The following TTC28 variants were observed in gnomAD, a reference collection of about 807,000 sequenced individuals.
TTC28 encodes tetratricopeptide repeat domain 28.
Under a neutral mutation model 198.0 loss-of-function variants are expected in TTC28, and 61 were observed. The observed-to-expected ratio is 0.31, with a 90% CI of 0.25 to 0.38. The LOEUF is 0.38. Ranked by LOEUF, TTC28 falls within the 10% of genes least tolerant of loss-of-function variation. The pLI is 1.00. For synonymous variants in TTC28, 1,171 were observed against 1,297.8 expected (o/e 0.90, Z 2.10); for missense variants, 2,678 against 3,164.0 (o/e 0.85, Z 3.69).
At chr22:28,646,799 G>A (rs1332310872) in intron 1 of TTC28, among the ~76,000 whole-genome samples, 1 of 152,206 alleles carries the variant, frequency 6.6e-6, no homozygotes, top group Non-Finnish European at 1.5e-5. Context: ...AGGAGGTGGA[G>A]GCTGCAGTAA....
intron 15 of TTC28, chr22:28,001,025 A>G (rs533030946): frequency 8.7e-4 from 176 of 203,206 alleles, no homozygotes; most frequent in Non-Finnish European, 1.3e-3. Flanking sequence ...CCCACTGGGC[A>G]TCGTGTGGAT....
intron 2 of TTC28, among the ~76,000 whole-genome samples, chr22:28,337,819 T>G (rs559642395): frequency 6.6e-6 from 1 of 152,358 alleles, no homozygotes; most frequent in East Asian, 1.9e-4. Flanking sequence ...GTCTTTTAAT[T>G]GGAGCATTTA....
At chr22:28,181,697 T>A (rs1024468064) in intron 5 of TTC28, among the ~76,000 whole-genome samples, 8 of 152,160 alleles carry the variant, frequency 5.3e-5, no homozygotes, top group Admixed American at 3.9e-4. Flanking sequence ...TAAATGTTAC[T>A]CCTTGACACC....
chr22:28,201,413 A>T (rs1243076778), intron 5 of TTC28, among the ~76,000 whole-genome samples: 1 of 152,156 alleles, frequency 6.6e-6, no homozygotes, highest in African/African-American at 2.4e-5. Flanking sequence ...TAACCTTCTT[A>T]GGGTGTCAAG....
In TTC28 at chr22:28,347,390, A is replaced by G. The variant is rs575760014; in HGVS notation, c.382-40747T>C. 2.4e-4 allele frequency among the ~76,000 whole-genome samples: 36 copies of G among 152,262 alleles called. No homozygotes were observed. The South Asian group carries it at 7.3e-3, about 31-fold the overall frequency. On this transcript the variant is annotated intron_variant, in intron 2 of 22. Transcript: ENST00000397906. ...CTCTCCATTTATGGTGCACTCTATTAAATTTCATATTTCATCCCTAGAGTT... is the reference window on the plus strand; with the variant it reads ...CTCTCCATTTATGGTGCACTCTATTGAATTTCATATTTCATCCCTAGAGTT...
rs1357577370 is a variant in TTC28, at chr22:28,018,314, G to C, written c.4074-3922C>G. Among the ~76,000 whole-genome samples the C allele has an allele frequency of 2.7e-5, 4 of 145,910 alleles. 1 individual carries two copies. Among genetic ancestry groups the C allele is most frequent in the Admixed American group, 6.7e-5 (1 of 14,836 alleles). On this transcript the variant is annotated intron_variant, in intron 13 of 22. Coordinates refer to ENST00000397906, the MANE Select transcript of TTC28 (RefSeq NM_001145418.2). ...GCGCGTGTGTGCGCGCGCGGGGGGG[G>C]GGGCGGGGAACCTGTCCCTAGAGAG... is the stretch of plus-strand genomic sequence containing the variant.
intron 2 of TTC28, among the ~76,000 whole-genome samples, chr22:28,563,233 A>T (rs761389250): frequency 2.0e-5 from 3 of 152,224 alleles, no homozygotes; most frequent in Non-Finnish European, 4.4e-5. Flanking sequence ...CCTTACATTG[A>T]AAATGTATAT....
At chr22:28,445,326 A>G (rs1408217854) in intron 2 of TTC28, among the ~76,000 whole-genome samples, 1 of 152,252 alleles carries the variant, frequency 6.6e-6, no homozygotes, top group Non-Finnish European at 1.5e-5. Flanking sequence ...CTGTAAGAAG[A>G]CAACCAGGCA....
intron 2 of TTC28, 108 bp downstream of exon 2, chr22:28,629,444 T>C (rs1014648098): frequency 1.1e-5 from 13 of 1,148,070 alleles, no homozygotes; most frequent in African/African-American, 6.3e-5. Context: ...GAAGTACAGA[T>C]TATTAAAATA....
intron 2 of TTC28, among the ~76,000 whole-genome samples, chr22:28,491,106 A>G (rs1299394501): frequency 6.6e-6 from 1 of 152,124 alleles, no homozygotes; most frequent in Non-Finnish European, 1.5e-5. Context: ...CTTCTTGTCC[A>G]CCTGCTTCTC....
At chr22:28,253,304 T>C (rs563440041) in intron 5 of TTC28, among the ~76,000 whole-genome samples, 1 of 152,356 alleles carries the variant, frequency 6.6e-6, no homozygotes, top group South Asian at 2.1e-4. Flanking sequence ...GTTATAGTTC[T>C]GGTATTTAAC....
At chr22:28,594,787 C>G (rs1207558384) in intron 2 of TTC28, among the ~76,000 whole-genome samples, 1 of 152,088 alleles carries the variant, frequency 6.6e-6, no homozygotes, top group East Asian at 1.9e-4. Context: ...GTCAAAATAT[C>G]TCTTGAAATC....
chr22:28,200,826 C>G (rs1313008362), intron 5 of TTC28, among the ~76,000 whole-genome samples: 1 of 152,048 alleles, frequency 6.6e-6, no homozygotes, highest in East Asian at 1.9e-4. Context: ...GAGACAAGCC[C>G]CTGATAATAG....
At chr22:28,038,206 G>A (rs931332963) in intron 12 of TTC28, among the ~76,000 whole-genome samples, 2 of 152,126 alleles carry the variant, frequency 1.3e-5, no homozygotes, top group African/African-American at 4.8e-5. Flanking sequence ...AGCCCACATT[G>A]GCAAGTCAAT....
intron 1 of TTC28, among the ~76,000 whole-genome samples, chr22:28,678,581 A>C (rs1244478847): frequency 6.6e-6 from 1 of 152,184 alleles, no homozygotes; most frequent in Non-Finnish European, 1.5e-5. Context: ...ACATACTGAA[A>C]ACATGGCATT....
intron 2 of TTC28, among the ~76,000 whole-genome samples, chr22:28,354,030 A>G (rs557887530): frequency 2.6e-5 from 4 of 152,226 alleles, no homozygotes; most frequent in South Asian, 4.1e-4. Context: ...AAATGGGGGG[A>G]AAAGGTGCTG....
chr22:28,380,850 T>G (rs1156607909), intron 2 of TTC28, among the ~76,000 whole-genome samples: 1 of 152,092 alleles, frequency 6.6e-6, no homozygotes, highest in East Asian at 1.9e-4. Context: ...TACAGATGAG[T>G]GCTTGTGTTG....
At chr22:28,026,026 C>T (rs1044162397) in intron 13 of TTC28, among the ~76,000 whole-genome samples, 7 of 152,216 alleles carry the variant, frequency 4.6e-5, no homozygotes, top group African/African-American at 1.4e-4. Flanking sequence ...CTTTCTTCCC[C>T]GCACCTTTAG....
rs900833279 is a variant in TTC28, at chr22:28,679,772, C to G, written c.-49G>C. On this transcript the variant is annotated 5_prime_UTR_variant, in exon 1 of 23. It removes the in-frame stop codon of an upstream open reading frame in the 5' UTR. Coordinates refer to ENST00000397906, the MANE Select transcript of TTC28 (RefSeq NM_001145418.2). ...CGCCTCGAGCTAACGGTCCCGCCAG[C>G]TAGGCGCGCGCGCCGGTTCCGCGCG... 8.1e-5 allele frequency: 84 copies of G among 1,042,226 alleles called. No homozygotes were observed. Among genetic ancestry groups the G allele is most frequent in the Non-Finnish European group, 1.4e-5 (12 of 831,376 alleles). The allele number at this position is 1,042,226 out of a possible 1,614,324, so 64.6% of individuals were successfully genotyped here. A position where few individuals can be genotyped will look rare whatever the true frequency, so the allele number is the denominator to read the frequency against.
Sources: allele counts gnomAD v4.1 joint callset (sites outside exome capture counted in the v4.1 genomes callset), GRCh38; gene constraint gnomAD v4.1.1; transcripts MANE v1.5; gene names NCBI Gene and HGNC (gene_info 2026-07-23, HGNC 2026-07-21).